The following RRM2B variants were observed in gnomAD, a reference collection of about 807,000 sequenced individuals.
RRM2B encodes the protein ribonucleoside-diphosphate reductase subunit M2 B.
A neutral mutation model predicts 45.9 loss-of-function variants in RRM2B; 20 were observed. That is an observed-to-expected ratio of 0.44 (90% CI 0.31 to 0.63). The LOEUF (loss-of-function observed/expected upper bound fraction) is 0.63. RRM2B is among the 30% of genes least tolerant of loss of function. The pLI is 0.09. For missense variants in RRM2B, 320 were observed against 414.7 expected, an observed-to-expected ratio of 0.77 and a Z score of 1.98; for synonymous variants, 124 against 132.3, an observed-to-expected ratio of 0.94 and a Z score of 0.43.
chr8:102,218,785 T>C (rs1810775996), intron 6 of RRM2B, 29 bp downstream of exon 6: 1 of 1,511,068 alleles, frequency 6.6e-7, no homozygotes, highest in Non-Finnish European at 9.2e-7. Context: ...TGAATACAAA[T>C]ATAACTAGAA....
At chr8:102,213,980 T>C in intron 7 of RRM2B, 74 bp downstream of exon 7, 1 of 1,028,832 alleles carries the variant, frequency 9.7e-7, no homozygotes, top group Non-Finnish European at 1.5e-6. Flanking sequence ...CAGAATTTCT[T>C]ATGAGTCAAT....
chr8:102,212,678 G>A, intron 8 of RRM2B, 98 bp downstream of exon 8: 1 of 711,994 alleles, frequency 1.4e-6, no homozygotes, highest in Non-Finnish European at 2.5e-6. Context: ...TTAAAAAATA[G>A]AATAGTATGT....
Position 102,238,671 on chromosome 8 carries a change from C to T in RRM2B, c.48+156G>A, listed in dbSNP as rs773501860. 49 of 1,540,600 alleles carry T rather than the reference C, an allele frequency of 3.2e-5. No homozygotes were observed. In the African/African-American group the frequency reaches 6.1e-4, roughly 19 times the overall value. On this transcript the variant is annotated intron_variant, in intron 1 of 8. Coordinates refer to ENST00000251810, the MANE Select transcript of RRM2B (RefSeq NM_015713.5). ...CCGCCCTCCCCGGGGACGGCCTCCC[C>T]GGCGCTCGCAACGACGAAGCCAGGC...
rs774006863 is a variant in RRM2B at position 102,214,167 on chromosome 8, G to A, written c.685-9C>T. ...AAGTCACAGTGAAGTCCCTAAAAGG[G>A]AAGAAAAATGTCATTGTCAAATAAC... On this transcript the variant is annotated splice_polypyrimidine_tract_variant and intron_variant, in intron 6 of 8. Transcript: ENST00000251810. 3 of 1,565,542 alleles carry A rather than the reference G, an allele frequency of 1.9e-6. No homozygotes were observed. The highest frequency in any genetic ancestry group is 3.3e-5 in the Admixed American group (2 of 59,920).
rs1159735102 is a variant in RRM2B at position 102,238,817 on chromosome 8, C to A, written c.48+10G>T. The A allele has an allele frequency of 6.2e-7, 1 of 1,613,668 alleles. No individual in the cohort carries two copies. The highest frequency in any genetic ancestry group is 8.5e-7 in the Non-Finnish European group (1 of 1,179,920). ...TGCGGTGAGGGGGAAGACGCAACAG[C>A]AACATTTACCTCATCCTGATCCAGC... On this transcript the variant is annotated intron_variant, in intron 1 of 8. Coordinates refer to ENST00000251810, the MANE Select transcript of RRM2B (RefSeq NM_015713.5).
chr8:102,218,700 T>C, intron 6 of RRM2B, 114 bp downstream of exon 6: 1 of 875,580 alleles, frequency 1.1e-6, no homozygotes, highest in Non-Finnish European at 1.8e-6. Flanking sequence ...TATGCCAGCC[T>C]GGGTGACAGA....
At chr8:102,232,397 A>G (rs1811048573) in intron 1 of RRM2B, 93 bp from the exon 2 acceptor site, 2 of 1,324,026 alleles carry the variant, frequency 1.5e-6, no homozygotes, top group South Asian at 1.2e-5. Flanking sequence ...GGGAGACGGC[A>G]TTGGTTTGAG....
At chr8:102,225,721 A>G (rs1351772774) in intron 3 of RRM2B, among the ~76,000 whole-genome samples, 197 bp downstream of exon 3, 12 of 152,226 alleles carry the variant, frequency 7.9e-5, no homozygotes, top group Non-Finnish European at 1.3e-4. Context: ...GTTTTGATTC[A>G]TATCATTTAT....
chr8:102,237,755 A>T (rs1337481640), intron 1 of RRM2B, among the ~76,000 whole-genome samples: 1 of 152,230 alleles, frequency 6.6e-6, no homozygotes, highest in African/African-American at 2.4e-5. Context: ...AGTTGGTACT[A>T]AACGCATTTG....
At chr8:102,209,887 T>A (rs1392955632) in intron 8 of RRM2B, among the ~76,000 whole-genome samples, 2 of 152,200 alleles carry the variant, frequency 1.3e-5, no homozygotes, top group Non-Finnish European at 2.9e-5. Flanking sequence ...AGGCCACATA[T>A]TATATGATTC....
At chr8:102,232,536 TCCTA>T (rs1811050922) in intron 1 of RRM2B, among the ~76,000 whole-genome samples, 1 of 152,158 alleles carries the variant, frequency 6.6e-6, no homozygotes, top group Non-Finnish European at 1.5e-5. Flanking sequence ...GTAAAATAAT[TCCTA>T]CCTCATAGGT....
At position 102,234,180 on chromosome 8, in the gene RRM2B, A is replaced by C. The variant is rs4734618; in HGVS notation, c.49-1876T>G. On this transcript the variant is annotated intron_variant, in intron 1 of 8. Transcript: ENST00000251810. ...TCACTCTTCAGCACCAAATGCCCTG[A>C]CGATGAATGAAGTTTTTAAATGATG... 8.8e-3 allele frequency among the ~76,000 whole-genome samples: 1,347 copies of C among 152,324 alleles called. 44 individuals are homozygous for C. Among genetic ancestry groups the C allele is most frequent in the Admixed American group, 0.058 (887 of 15,294 alleles).
At chr8:102,217,531 T>C (rs1810751689) in intron 6 of RRM2B, among the ~76,000 whole-genome samples, 2 of 152,282 alleles carry the variant, frequency 1.3e-5, no homozygotes, top group South Asian at 4.1e-4. Flanking sequence ...AGTTTTATAG[T>C]TGAAGAAACC....
chr8:102,238,954 G>C lies in RRM2B; in HGVS notation c.-80C>G. Reference sequence around the variant, plus strand: ...CCTCCAACTACGACAGCACCCAGGTGGTCCGCTGGTCCGCTGGGTCCGCCC... The same window carrying C: ...CCTCCAACTACGACAGCACCCAGGTCGTCCGCTGGTCCGCTGGGTCCGCCC... On this transcript the variant is annotated 5_prime_UTR_variant, in exon 1 of 9. Coordinates refer to ENST00000251810, the MANE Select transcript of RRM2B (RefSeq NM_015713.5). The C allele has an allele frequency of 1.4e-6, 2 of 1,423,944 alleles. No individual in the cohort carries two copies. Among genetic ancestry groups the C allele is most frequent in the Non-Finnish European group, 9.7e-7 (1 of 1,029,200 alleles). 88.2% of individuals were successfully genotyped at this position (1,423,944 alleles called of 1,614,324 possible).
intron 8 of RRM2B, among the ~76,000 whole-genome samples, chr8:102,210,616 C>T (rs1458445919): frequency 6.6e-6 from 1 of 152,132 alleles, no homozygotes; most frequent in African/African-American, 2.4e-5. Context: ...GCACCCACCA[C>T]CATGCCCAGC....
At chr8:102,237,332 G>A (rs1811138112) in intron 1 of RRM2B, among the ~76,000 whole-genome samples, 1 of 152,156 alleles carries the variant, frequency 6.6e-6, no homozygotes. Context: ...GTCTATCTAT[G>A]GACCCTTTAA....
intron 5 of RRM2B, among the ~76,000 whole-genome samples, chr8:102,223,695 C>CAAAAAA (rs764014539): frequency 4.0e-5 from 3 of 74,716 alleles, no homozygotes; most frequent in Admixed American, 1.5e-4. Flanking sequence ...GACTCCGTCT[C>CAAAAAA]AAAAAAAAAA....
chr8:102,237,508 C>T (rs1811141511), intron 1 of RRM2B, among the ~76,000 whole-genome samples: 1 of 152,198 alleles, frequency 6.6e-6, no homozygotes, highest in Non-Finnish European at 1.5e-5. Flanking sequence ...ATGCAGGTCT[C>T]CTATTATGCA....
intron 1 of RRM2B, among the ~76,000 whole-genome samples, chr8:102,236,391 C>A (rs920638369): frequency 6.6e-6 from 1 of 152,108 alleles, no homozygotes; most frequent in African/African-American, 2.4e-5. Context: ...GAAGACTAAT[C>A]AGAAAACCAC....
Sources: allele counts gnomAD v4.1 joint callset (sites outside exome capture counted in the v4.1 genomes callset), GRCh38; gene constraint gnomAD v4.1.1; transcripts MANE v1.5; gene names NCBI Gene and HGNC (gene_info 2026-07-23, HGNC 2026-07-21).